Variants in NALF2 observed in about 807,000 individuals in gnomAD.
NALF2 encodes the protein bB57D9.1 (TED protein).
A neutral mutation model predicts 24.8 loss-of-function variants in NALF2; 1 was observed. That is an observed-to-expected ratio of 0.04 (90% CI 0.01 to 0.19). NALF2 has a LOEUF of 0.19. Ranked by LOEUF, NALF2 falls within the 10% of genes least tolerant of loss-of-function variation. The pLI is 1.00. For missense variants in NALF2, 458 were observed against 409.6 expected (o/e 1.12, Z -1.02); for synonymous variants, 254 against 189.8 (o/e 1.34, Z -2.78).
rs2147705368 is a variant in NALF2, at chrX:69,504,472, C to T, written c.-811C>T. On this transcript the variant is annotated 5_prime_UTR_variant, in exon 1 of 3. Transcript: ENST00000252338. Reference sequence around the variant, plus strand: ...GCATGGCCAGCGGGAGCCACGGGGCCGTGCCGCTGGGCTGCAGCCACAGCG... The same window carrying T: ...GCATGGCCAGCGGGAGCCACGGGGCTGTGCCGCTGGGCTGCAGCCACAGCG... Among the ~76,000 whole-genome samples the T allele has an allele frequency of 8.8e-6, 1 of 113,533 alleles. No individual in the cohort carries two copies. The highest frequency in any genetic ancestry group is 3.2e-5 in the African/African-American group (1 of 31,416).
Position 69,505,127 on chromosome X carries a change from C to CG in NALF2, c.-152dup, listed in dbSNP as rs1930436203. ...GAGCGCCCCGCGACTCCGGCCTGAG[C>CG]GGGGCATCGCGCCGGCCGGCCTGCC... On this transcript the variant is annotated 5_prime_UTR_variant, in exon 1 of 3. Coordinates refer to ENST00000252338, the MANE Select transcript of NALF2 (RefSeq NM_015686.3). The CG allele has an allele frequency of 2.5e-6, 1 of 401,559 alleles. No homozygotes were observed. Among genetic ancestry groups the CG allele is most frequent in the Non-Finnish European group, 3.9e-6 (1 of 258,414 alleles). 33.1% of individuals were successfully genotyped at this position (401,559 alleles called of 1,213,427 possible). A position where few individuals can be genotyped will look rare whatever the true frequency, so the allele number is the denominator to read the frequency against.
intron 1 of NALF2, among the ~76,000 whole-genome samples, chrX:69,508,989 G>C (rs1460772607): frequency 8.9e-6 from 1 of 112,496 alleles, no homozygotes; most frequent in Non-Finnish European, 1.9e-5. Context: ...GGTGGCCCCA[G>C]AAACCCTGTT....
At chrX:69,527,129 A>G (rs1025883718) in intron 1 of NALF2, among the ~76,000 whole-genome samples, 6 of 111,920 alleles carry the variant, frequency 5.4e-5, no homozygotes, top group Admixed American at 2.8e-4. Context: ...TTGCTGATGG[A>G]CTAGATGTGG....
Position 69,529,791 on chromosome X carries a change from G to T in NALF2, c.1254G>T (p.Leu418=). 1 of 1,211,640 alleles carries T rather than the reference G, an allele frequency of 8.3e-7. No individual in the cohort carries two copies. Among genetic ancestry groups the T allele is most frequent in the Non-Finnish European group, 1.1e-6 (1 of 895,458 alleles). Residue 418 remains leucine, a synonymous_variant, in exon 3 of 3, where the codon CTG becomes CTT. Transcript: ENST00000252338. ...PGRVSNKPAL[L]PVSGGSRLSP... is the part of the protein sequence containing the mutation. ...GTGTCAGCAACAAGCCCGCCCTGCT[G>T]CCGGTCTCTGGGGGCTCCCGCCTCA...
intron 1 of NALF2, among the ~76,000 whole-genome samples, chrX:69,528,370 A>C (rs753689053): frequency 2.7e-4 from 30 of 111,382 alleles, no homozygotes; most frequent in Middle Eastern, 4.7e-3. Context: ...GATCAAGTAG[A>C]GCTCAAAGGC....
Position 69,530,064 on chromosome X carries a change from G to A in NALF2, c.*108G>A, listed in dbSNP as rs1237943446. The stretch of plus-strand genomic sequence containing the variant: ...GGGAGGTGTAGGATAAGGTGGGGGC[G>A]GGGGAAATGGGGGAATGACACATCC... On this transcript the variant is annotated 3_prime_UTR_variant, in exon 3 of 3. Coordinates refer to ENST00000252338, the MANE Select transcript of NALF2 (RefSeq NM_015686.3). The A allele has an allele frequency of 4.1e-5, 22 of 539,212 alleles. No individual in the cohort carries two copies. Among genetic ancestry groups the A allele is most frequent in the East Asian group, 7.5e-5 (2 of 26,508 alleles). 44.4% of individuals were successfully genotyped at this position (539,212 alleles called of 1,213,427 possible).
At chrX:69,520,544 C>G (rs1930719542) in intron 1 of NALF2, among the ~76,000 whole-genome samples, 1 of 111,690 alleles carries the variant, frequency 9.0e-6, no homozygotes, top group African/African-American at 3.3e-5. Flanking sequence ...TGATGGCTTC[C>G]AAGCCTTTAT....
At chrX:69,526,004 C>T (rs1162811632) in intron 1 of NALF2, among the ~76,000 whole-genome samples, 1 of 111,006 alleles carries the variant, frequency 9.0e-6, no homozygotes, top group East Asian at 2.8e-4. Context: ...ACTCTTTTAG[C>T]CCAGTAATTT....
chrX:69,528,904 T>G, intron 1 of NALF2, 89 bp from the exon 2 acceptor site: 5 of 1,018,361 alleles, frequency 4.9e-6, no homozygotes, highest in South Asian at 2.6e-5. Context: ...GAGGCCCCCT[T>G]GAGAGACCAC....
intron 1 of NALF2, among the ~76,000 whole-genome samples, chrX:69,509,148 G>T (rs940712410): frequency 4.5e-5 from 5 of 111,849 alleles, no homozygotes; most frequent in African/African-American, 1.3e-4. Flanking sequence ...ACACAGCAGG[G>T]CAATGTAACT....
At chrX:69,522,101 G>A (rs1930743287) in intron 1 of NALF2, among the ~76,000 whole-genome samples, 1 of 112,026 alleles carries the variant, frequency 8.9e-6, no homozygotes, top group Middle Eastern at 4.6e-3. Flanking sequence ...TTCTGTAACT[G>A]CTAGAGTTAT....
chrX:69,524,297 G>T (rs1001920585), intron 1 of NALF2, among the ~76,000 whole-genome samples: 4 of 109,821 alleles, frequency 3.6e-5, no homozygotes, highest in African/African-American at 1.3e-4. Context: ...TCACCATGTT[G>T]TCCAGGCTGG....
At chrX:69,508,860 A>C (rs1204781183) in intron 1 of NALF2, among the ~76,000 whole-genome samples, 1 of 112,075 alleles carries the variant, frequency 8.9e-6, no homozygotes, top group African/African-American at 3.2e-5. Context: ...CCACAGCCCC[A>C]GGCCAAGATG....
chrX:69,508,461 G>T (rs925165113), intron 1 of NALF2, among the ~76,000 whole-genome samples: 5 of 110,942 alleles, frequency 4.5e-5, no homozygotes, highest in Non-Finnish European at 7.6e-5. Flanking sequence ...CCTCTCCTTT[G>T]TCTTCTTGTC....
rs1172011622 is a variant in NALF2 at position 69,509,198 on chromosome X, A to G, written c.861+3055A>G. ...CCCTTCCCCGCCCTGGCCTCTCCCA[A>G]CTCCCAGGGTCATGCCTCACCTCTC... On this transcript the variant is annotated intron_variant, in intron 1 of 2. Coordinates refer to ENST00000252338, the MANE Select transcript of NALF2 (RefSeq NM_015686.3). Among the ~76,000 whole-genome samples, 5 of 110,016 alleles carry G rather than the reference A, an allele frequency of 4.5e-5. No individual in the cohort carries two copies. In the Admixed American group the frequency reaches 4.8e-4, roughly 11 times the overall value.
chrX:69,505,244 G>C lies in NALF2; in HGVS notation c.-39G>C. The C allele has an allele frequency of 9.0e-7, 1 of 1,109,261 alleles. No homozygotes were observed. The allele number at this position is 1,109,261 out of a possible 1,213,427, so 91.4% of individuals were successfully genotyped here. A position where few individuals can be genotyped will look rare whatever the true frequency, so the allele number is the denominator to read the frequency against. ...CCGCCCCAGACGGCCGTCTGGCCTC[G>C]CGCCTGCCTGTTCCCTCCAGCCCGG... On this transcript the variant is annotated 5_prime_UTR_variant, in exon 1 of 3. Coordinates refer to ENST00000252338, the MANE Select transcript of NALF2 (RefSeq NM_015686.3).
chrX:69,528,891 G>C, intron 1 of NALF2, 102 bp from the exon 2 acceptor site: 1 of 864,159 alleles, frequency 1.2e-6, no homozygotes, highest in South Asian at 3.1e-5. Context: ...GGGTTAGGTT[G>C]GTGAGGCCCC....
At chrX:69,511,045 C>T (rs1017838671) in intron 1 of NALF2, among the ~76,000 whole-genome samples, 7 of 109,691 alleles carry the variant, frequency 6.4e-5, no homozygotes, top group African/African-American at 2.4e-4. Flanking sequence ...TACAACCTTC[C>T]CAATCTTCTA....
intron 1 of NALF2, among the ~76,000 whole-genome samples, chrX:69,507,845 G>A (rs749945713): frequency 9.0e-6 from 1 of 111,127 alleles, no homozygotes; most frequent in African/African-American, 3.3e-5. Context: ...TGTTTGTTTT[G>A]TTTTTTTCCT....
Sources: allele counts gnomAD v4.1 joint callset (sites outside exome capture counted in the v4.1 genomes callset), GRCh38; gene constraint gnomAD v4.1.1; transcripts MANE v1.5; gene names NCBI Gene and HGNC (gene_info 2026-07-23, HGNC 2026-07-21).